SH2D5: variants seen among roughly 807,000 people sequenced by gnomAD.
SH2D5 encodes SH2 domain-containing protein 5.
A neutral mutation model predicts 48.2 loss-of-function variants in SH2D5; 45 were observed. That is an observed-to-expected ratio of 0.93 (90% CI 0.73 to 1.20). The LOEUF (loss-of-function observed/expected upper bound fraction) is 1.20, where lower values mean the gene tolerates loss of function less well. SH2D5 is among the 50% of genes most tolerant of loss of function. SH2D5 has a pLI of 0.00. For synonymous variants in SH2D5, 230 were observed against 249.8 expected, an observed-to-expected ratio of 0.92 and a Z score of 0.75; for missense variants, 538 against 584.1, an observed-to-expected ratio of 0.92 and a Z score of 0.81.
At position 20,729,025 on chromosome 1, in the gene SH2D5, C is replaced by A. The variant is rs1043744765; in HGVS notation, c.-42-939G>T. Among the ~76,000 whole-genome samples the A allele has an allele frequency of 6.6e-6, 1 of 152,164 alleles. No homozygotes were observed. The highest frequency in any genetic ancestry group is 1.5e-5 in the Non-Finnish European group (1 of 68,022). ...ACTGCCCTGGGGGCTGAGGACCACC[C>A]CCCACCGTCCAGCCCAGCCAGGTTC... is the stretch of plus-strand genomic sequence containing the variant. On this transcript the variant is annotated intron_variant, in intron 1 of 9. Transcript: ENST00000444387. The surrounding 1 kb of genome is among the most constrained non-coding windows in gnomAD (Gnocchi z 4.2).
At chr1:20,730,125 G>A (rs1204016935) in intron 1 of SH2D5, among the ~76,000 whole-genome samples, 1 of 152,080 alleles carries the variant, frequency 6.6e-6, no homozygotes, top group African/African-American at 2.4e-5. Context: ...CCAGGATGGC[G>A]GGCAGTGGGG....
chr1:20,732,162 G>A lies in SH2D5; in HGVS notation c.-43+19C>T, dbSNP rs113664832. On this transcript the variant is annotated intron_variant, in intron 1 of 9. Transcript: ENST00000444387. The surrounding 1 kb of genome is among the most constrained non-coding windows in gnomAD (Gnocchi z 5.1). ...ACCGACCCCCGGATCACCTGGCGGC[G>A]GCGACCCGCCTCACTCACCAATCGG... 53,188 of 151,622 alleles carry A rather than the reference G, an allele frequency of 0.35. 9,709 individuals carry two copies. Among genetic ancestry groups the A allele is most frequent in the Middle Eastern group, 0.45 (132 of 292 alleles). The allele number at this position is 151,622 out of a possible 1,614,324, so 9.4% of individuals were successfully genotyped here. A position where few individuals can be genotyped will look rare whatever the true frequency, so the allele number is the denominator to read the frequency against.
intron 4 of SH2D5, among the ~76,000 whole-genome samples, chr1:20,726,385 G>A (rs2054799716): frequency 1.3e-5 from 2 of 152,174 alleles, no homozygotes; most frequent in South Asian, 4.1e-4. Flanking sequence ...CTGAGCGCCT[G>A]TTGTGACGTG....
Position 20,723,742 on chromosome 1 carries a change from G to A in SH2D5, c.800-8C>T. 4 of 1,608,396 alleles carry A rather than the reference G, an allele frequency of 2.5e-6. No homozygotes were observed. Among genetic ancestry groups the A allele is most frequent in the Non-Finnish European group, 3.4e-6 (4 of 1,176,446 alleles). ...CCTCCCATGCGGCAGGAACTGTGGA[G>A]ACCATCCAGGAGTCAGAAGGAGAGT... is the stretch of plus-strand genomic sequence containing the variant. On this transcript the variant is annotated splice_polypyrimidine_tract_variant and splice_region_variant and intron_variant, in intron 7 of 9. Coordinates refer to ENST00000444387, the MANE Select transcript of SH2D5 (RefSeq NM_001103161.2).
In SH2D5 at chr1:20,724,465, C is replaced by T. The variant is rs592060; in HGVS notation, c.561G>A (p.Gln187=). 1,259,264 of 1,612,746 alleles carry T rather than the reference C, an allele frequency of 0.78. 494,650 individuals are homozygous for T. The highest frequency in any genetic ancestry group is 0.98 in the East Asian group (44,187 of 44,862). The change falls in exon 6 of 10, where the codon CAG becomes CAA. Residue 187 remains glutamine (Q), a synonymous_variant. Coordinates refer to ENST00000444387, the MANE Select transcript of SH2D5 (RefSeq NM_001103161.2). ...GLVREPFGRD[Q]LSQNVHALVS... is the part of the protein sequence containing the mutation. ...CCAGGGCATGGACGTTCTGAGAGAG[C>T]TGATCACGGCCGAAGGGCTCCCGCA...
intron 8 of SH2D5, 149 bp from the exon 9 acceptor site, chr1:20,723,064 C>A: frequency 1.4e-6 from 1 of 735,104 alleles, no homozygotes; most frequent in Non-Finnish European, 2.0e-6. Context: ...GCCTGTAATC[C>A]CAGCACTTTG....
intron 5 of SH2D5, 135 bp from the exon 6 acceptor site, chr1:20,724,770 A>G: frequency 6.1e-6 from 7 of 1,154,506 alleles, no homozygotes; most frequent in Middle Eastern, 3.0e-4. Flanking sequence ...CTTCCTGGGA[A>G]AGCTCCTACT....
In SH2D5 at chr1:20,722,770, G is replaced by A. The variant is rs750727956; in HGVS notation, c.1054C>T (p.Arg352Cys). 58 of 1,530,214 alleles carry A rather than the reference G, an allele frequency of 3.8e-5. No homozygotes were observed. Among genetic ancestry groups the A allele is most frequent in the East Asian group, 1.2e-4 (5 of 40,438 alleles). 94.8% of individuals were successfully genotyped at this position (1,530,214 alleles called of 1,614,324 possible). A position where few individuals can be genotyped will look rare whatever the true frequency, so the allele number is the denominator to read the frequency against. Residue 352 changes from arginine (R) to cysteine (C), a missense_variant, in exon 9 of 10, where the codon CGC becomes TGC. Physicochemically the swap from Arg to Cys is radical, Grantham distance 180. Coordinates refer to ENST00000444387, the MANE Select transcript of SH2D5 (RefSeq NM_001103161.2). ...PHQVFRNHLGRYCLEHLPAEF... is the reference protein window; with the variant it reads ...PHQVFRNHLGCYCLEHLPAEF... Reference sequence around the variant, plus strand: ...TGCGCTCTTACCTCCAAGCAGTAGCGGCCCAGGTGGTTCCGGAAGACCTGG... The same window carrying A: ...TGCGCTCTTACCTCCAAGCAGTAGCAGCCCAGGTGGTTCCGGAAGACCTGG...
rs570235329 is a variant in SH2D5 at position 20,726,032 on chromosome 1, A to G, written c.278T>C (p.Leu93Pro). 164 of 1,610,442 alleles carry G rather than the reference A, an allele frequency of 1.0e-4. No individual in the cohort carries two copies. The highest frequency in any genetic ancestry group is 1.2e-4 in the Non-Finnish European group (142 of 1,178,800). ...LLMAHALRRILYSTWCPADCQ... is the reference protein window; with the variant it reads ...LLMAHALRRIPYSTWCPADCQ... The stretch of plus-strand genomic sequence containing the variant: ...GTCGGCAGGGCACCAGGTGGAGTAG[A>G]GTATGCGCCTCAGGGCATGAGCCAT... The change falls in exon 5 of 10, where the codon CTC becomes CCC. Residue 93 changes from leucine (L) to proline (P), a missense_variant. By Grantham distance (98) the Leu-to-Pro change is moderately conservative (BLOSUM62 -3). Transcript: ENST00000444387.
Position 20,721,557 on chromosome 1 carries a change from C to CT in SH2D5, c.*234dup. On this transcript the variant is annotated 3_prime_UTR_variant, in exon 10 of 10. Transcript: ENST00000444387. Reference sequence around the variant, plus strand: ...AGCCACCCAAAGGGTTATCCGAAGCCTGCAACTCCACCTGCCCTCCTGGAA... The same window carrying CT: ...AGCCACCCAAAGGGTTATCCGAAGCCTTGCAACTCCACCTGCCCTCCTGGAA... 2.1e-6 allele frequency: 1 copy of CT among 477,088 alleles called. No homozygotes were observed. The allele number at this position is 477,088 out of a possible 1,614,324, so 29.6% of individuals were successfully genotyped here.
rs961411094 is a variant in SH2D5 at position 20,728,328 on chromosome 1, A to T, written c.-42-242T>A. Among the ~76,000 whole-genome samples, 4 of 152,204 alleles carry T rather than the reference A, an allele frequency of 2.6e-5. No individual in the cohort carries two copies. On this transcript the variant is annotated intron_variant, in intron 1 of 9. Transcript: ENST00000444387. The surrounding 1 kb of genome is among the most constrained non-coding windows in gnomAD (Gnocchi z 4.3). ...TGAACTAAATAGTAAGATAGATCAT[A>T]CGTGAGATGGGGATGGAGCAGGGAG...
intron 9 of SH2D5, 68 bp downstream of exon 9, chr1:20,722,688 C>T: frequency 7.3e-7 from 1 of 1,373,238 alleles, no homozygotes. Context: ...AAAGGGCAGG[C>T]AGGAAGGGCC....
Position 20,722,779 on chromosome 1 carries a change from G to T in SH2D5, c.1045C>A (p.His349Asn). 6.4e-7 allele frequency: 1 copy of T among 1,560,130 alleles called. No homozygotes were observed. The highest frequency in any genetic ancestry group is 8.7e-7 in the Non-Finnish European group (1 of 1,151,118). Residue 349 changes from histidine to asparagine, a missense_variant, in exon 9 of 10, where the codon CAC (histidine) becomes AAC (asparagine). Coordinates refer to ENST00000444387, the MANE Select transcript of SH2D5 (RefSeq NM_001103161.2). Reference sequence around the variant, plus strand: ...ACCTCCAAGCAGTAGCGGCCCAGGTGGTTCCGGAAGACCTGGTGGGGCACC... The same window carrying T: ...ACCTCCAAGCAGTAGCGGCCCAGGTTGTTCCGGAAGACCTGGTGGGGCACC... Reference protein sequence around the residue: ...GVVPHQVFRNHLGRYCLEHLP... With the variant: ...GVVPHQVFRNNLGRYCLEHLP...
chr1:20,732,622 G>C lies in SH2D5; in HGVS notation c.-484C>G, dbSNP rs931726365. 1.3e-5 allele frequency: 2 copies of C among 152,240 alleles called. No individual in the cohort carries two copies. The highest frequency in any genetic ancestry group is 2.4e-5 in the African/African-American group (1 of 41,460). The allele number at this position is 152,240 out of a possible 1,614,324, so 9.4% of individuals were successfully genotyped here. A position where few individuals can be genotyped will look rare whatever the true frequency, so the allele number is the denominator to read the frequency against. On this transcript the variant is annotated 5_prime_UTR_variant, in exon 1 of 10. Coordinates refer to ENST00000444387, the MANE Select transcript of SH2D5 (RefSeq NM_001103161.2). The surrounding 1 kb of genome is among the most constrained non-coding windows in gnomAD (Gnocchi z 5.1). ...TCGGAGGAGGCGCTCAGGGTGGTTC[G>C]GGCCCGGCCCTTGTGAGTGGAGGGT...
At chr1:20,726,613 C>T (rs2154538575) in intron 4 of SH2D5, among the ~76,000 whole-genome samples, 1 of 152,272 alleles carries the variant, frequency 6.6e-6, no homozygotes, top group Middle Eastern at 3.4e-3. Context: ...GCAGGACGAG[C>T]CTGCAGCAGG....
intron 2 of SH2D5, 82 bp downstream of exon 2, chr1:20,727,876 C>T (rs1262499668): frequency 8.8e-7 from 1 of 1,139,368 alleles, no homozygotes; most frequent in Admixed American, 2.0e-5. Flanking sequence ...AGGTCCTAGG[C>T]CCGCAGCACT....
rs368343115 is a variant in SH2D5 at position 20,724,488 on chromosome 1, G to A, written c.538C>T (p.Arg180Trp). 8.6e-5 allele frequency: 139 copies of A among 1,612,616 alleles called. No individual in the cohort carries two copies. Among genetic ancestry groups the A allele is most frequent in the Admixed American group, 6.5e-4 (39 of 59,986 alleles). ...KPLSSSGGLVREPFGRDQLSQ... is the reference protein window; with the variant it reads ...KPLSSSGGLVWEPFGRDQLSQ... Reference sequence around the variant, plus strand: ...AGCTGATCACGGCCGAAGGGCTCCCGCACCAGGCCCCCAGAGCTGGACAGT... The same window carrying A: ...AGCTGATCACGGCCGAAGGGCTCCCACACCAGGCCCCCAGAGCTGGACAGT... Residue 180 changes from arginine (R) to tryptophan (W), a missense_variant, in exon 6 of 10, where the codon CGG (arginine) becomes TGG (tryptophan). Physicochemically the swap from Arg to Trp is moderately radical, Grantham distance 101. Transcript: ENST00000444387.
chr1:20,727,700 C>T (rs2054829123), intron 2 of SH2D5, 97 bp from the exon 3 acceptor site: 1 of 1,158,540 alleles, frequency 8.6e-7, no homozygotes, highest in African/African-American at 1.5e-5. Flanking sequence ...ATCTGCTCTG[C>T]CAGGCGTGTC....
Position 20,728,620 on chromosome 1 carries a change from G to A in SH2D5, c.-42-534C>T, listed in dbSNP as rs138858075. On this transcript the variant is annotated intron_variant, in intron 1 of 9. Coordinates refer to ENST00000444387, the MANE Select transcript of SH2D5 (RefSeq NM_001103161.2). The surrounding 1 kb of genome is among the most constrained non-coding windows in gnomAD (Gnocchi z 4.3). The stretch of plus-strand genomic sequence containing the variant: ...CATCAAAGAGAAGGGCAGTGACAGC[G>A]GCAGAAACAGAGACTGCAAAGACAC... Among the ~76,000 whole-genome samples, 738 of 152,294 alleles carry A rather than the reference G, an allele frequency of 4.8e-3. 6 individuals are homozygous for A. Among genetic ancestry groups the A allele is most frequent in the African/African-American group, 0.017 (694 of 41,548 alleles).
Sources: allele counts gnomAD v4.1 joint callset (sites outside exome capture counted in the v4.1 genomes callset), GRCh38; gene constraint gnomAD v4.1.1; non-coding constraint Gnocchi (gnomAD v3.1); transcripts MANE v1.5; gene names NCBI Gene and HGNC (gene_info 2026-07-23, HGNC 2026-07-21).